Variants in CMSS1 observed in about 807,000 individuals in gnomAD.
CMSS1 encodes protein CMSS1.
A neutral mutation model predicts 43.5 loss-of-function variants in CMSS1; 33 were observed. The ratio of observed to expected loss-of-function variants is 0.76; its 90% CI spans 0.57 to 1.01. The LOEUF (loss-of-function observed/expected upper bound fraction) is 1.01, where lower values mean the gene tolerates loss of function less well. CMSS1 is among the 50% of genes least tolerant of loss of function. The pLI is 0.00. For synonymous variants in CMSS1, 115 were observed against 117.2 expected, an observed-to-expected ratio of 0.98 and a Z score of 0.12; for missense variants, 313 against 326.4, an observed-to-expected ratio of 0.96 and a Z score of 0.32.
chr3:99,973,288 A>T (rs2107720897), intron 1 of CMSS1, among the ~76,000 whole-genome samples: 1 of 152,322 alleles, frequency 6.6e-6, no homozygotes, highest in African/African-American at 2.4e-5. Flanking sequence ...TTAAATATTC[A>T]TTTGAGAATA....
chr3:100,042,383 A>G (rs146195249), intron 1 of CMSS1, among the ~76,000 whole-genome samples: 5 of 152,316 alleles, frequency 3.3e-5, no homozygotes, highest in African/African-American at 1.2e-4. Context: ...GATACAGTGA[A>G]ATCTGTTATC....
In CMSS1 at chr3:100,172,423, A is replaced by G; in HGVS notation, c.667+20A>G. 1 of 1,575,680 alleles carries G rather than the reference A, an allele frequency of 6.3e-7. No homozygotes were observed. The highest frequency in any genetic ancestry group is 8.7e-7 in the Non-Finnish European group (1 of 1,145,368). On this transcript the variant is annotated intron_variant, in intron 8 of 9. Transcript: ENST00000421999. Reference sequence around the variant, plus strand: ...AACAAGGTATGACAAGAGGGCAGTGATACTCTTGCCCAGGGCTGGGAGTTT... The same window carrying G: ...AACAAGGTATGACAAGAGGGCAGTGGTACTCTTGCCCAGGGCTGGGAGTTT...
At chr3:99,859,827 A>G (rs1438860850) in intron 1 of CMSS1, among the ~76,000 whole-genome samples, 1 of 152,090 alleles carries the variant, frequency 6.6e-6, no homozygotes, top group Non-Finnish European at 1.5e-5. Flanking sequence ...TGCTTTTTCT[A>G]TGGGACTTTT....
intron 1 of CMSS1, among the ~76,000 whole-genome samples, chr3:100,125,699 C>T (rs2066657104): frequency 6.6e-6 from 1 of 152,114 alleles, no homozygotes; most frequent in Non-Finnish European, 1.5e-5. Context: ...AGTCAGGTGG[C>T]CCCAGACTCT....
intron 1 of CMSS1, among the ~76,000 whole-genome samples, chr3:100,028,918 TATAAAC>T (rs2064975465): frequency 6.6e-6 from 1 of 152,134 alleles, no homozygotes; most frequent in Non-Finnish European, 1.5e-5. Flanking sequence ...CACACACACA[TATAAAC>T]ATAAACATAT....
At chr3:99,983,872 C>A (rs192437199) in intron 1 of CMSS1, among the ~76,000 whole-genome samples, 24 of 151,956 alleles carry the variant, frequency 1.6e-4, no homozygotes, top group Admixed American at 1.5e-3. Flanking sequence ...GAATAACTTG[C>A]CAGAAGAAGT....
chr3:99,988,511 CAAA>C (rs757175318), intron 1 of CMSS1, among the ~76,000 whole-genome samples: 19 of 47,848 alleles, frequency 4.0e-4, no homozygotes, highest in Admixed American at 8.8e-4. Flanking sequence ...GACTCCATCT[CAAA>C]AAAAAAAAAA....
chr3:99,862,191 A>G (rs1017173184), intron 1 of CMSS1, among the ~76,000 whole-genome samples: 2 of 152,188 alleles, frequency 1.3e-5, no homozygotes, highest in African/African-American at 4.8e-5. Context: ...TATAGGCCCT[A>G]AATATAGTTT....
chr3:99,908,303 T>C (rs1435314339), intron 1 of CMSS1, among the ~76,000 whole-genome samples: 3 of 152,248 alleles, frequency 2.0e-5, no homozygotes, highest in Admixed American at 6.5e-5. Context: ...CTATTTTCTA[T>C]TGAAGGCAGA....
intron 1 of CMSS1, among the ~76,000 whole-genome samples, chr3:99,883,571 A>G (rs1705798939): frequency 6.6e-6 from 1 of 152,174 alleles, no homozygotes; most frequent in Non-Finnish European, 1.5e-5. Flanking sequence ...TTAGACAACC[A>G]TATCACACTG....
intron 1 of CMSS1, among the ~76,000 whole-genome samples, chr3:99,839,226 T>A (rs556846740): frequency 9.8e-5 from 15 of 152,344 alleles, no homozygotes; most frequent in African/African-American, 3.4e-4. Context: ...TCTATATAGT[T>A]CCTTCTCTGT....
intron 1 of CMSS1, among the ~76,000 whole-genome samples, chr3:100,030,017 C>T (rs2064996852): frequency 1.3e-5 from 2 of 152,108 alleles, no homozygotes; most frequent in African/African-American, 4.8e-5. Flanking sequence ...CTTCACATTT[C>T]TCTAGCATGG....
rs374700618 is a variant in CMSS1 at position 100,114,494 on chromosome 3, C to CTG, written c.65-32461_65-32460dup. Reference sequence around the variant, plus strand: ...GCAGGCACAGGCTCCGTGAGCACGTCTGTGTGTGTGTGTGTGTGTCTGTGT... The same window carrying CTG: ...GCAGGCACAGGCTCCGTGAGCACGTCTGTGTGTGTGTGTGTGTGTGTCTGTGT... On this transcript the variant is annotated intron_variant, in intron 1 of 9. Transcript: ENST00000421999. 1,390 of 153,828 alleles carry CTG rather than the reference C, an allele frequency of 9.0e-3. 14 individuals carry two copies. Among genetic ancestry groups the CTG allele is most frequent in the Middle Eastern group, 0.03 (9 of 304 alleles). The allele number at this position is 153,828 out of a possible 1,614,324, so 9.5% of individuals were successfully genotyped here.
intron 1 of CMSS1, among the ~76,000 whole-genome samples, chr3:100,006,253 C>T (rs1200985465): frequency 1.3e-5 from 2 of 152,102 alleles, no homozygotes; most frequent in East Asian, 3.8e-4. Flanking sequence ...CTCAACTGAT[C>T]TTTGGCTCTT....
chr3:100,037,718 A>T (rs1462170463), intron 1 of CMSS1, among the ~76,000 whole-genome samples: 1 of 152,194 alleles, frequency 6.6e-6, no homozygotes, highest in Non-Finnish European at 1.5e-5. Context: ...TTCTCTATGC[A>T]TCTTGCTTGC....
At chr3:100,121,939 C>T (rs1406433321) in intron 1 of CMSS1, among the ~76,000 whole-genome samples, 2 of 152,216 alleles carry the variant, frequency 1.3e-5, no homozygotes, top group Non-Finnish European at 2.9e-5. Context: ...AGGAGAATCT[C>T]GGCAGAAGGC....
At chr3:100,167,679 T>C in intron 5 of CMSS1, 59 bp from the exon 6 acceptor site, 2 of 1,018,358 alleles carry the variant, frequency 2.0e-6, no homozygotes, top group Non-Finnish European at 3.0e-6. Flanking sequence ...ATGCTCAACT[T>C]GGGAGGTGTG....
At chr3:99,998,431 A>G (rs1576630456) in intron 1 of CMSS1, among the ~76,000 whole-genome samples, 1 of 152,336 alleles carries the variant, frequency 6.6e-6, no homozygotes, top group South Asian at 2.1e-4. Flanking sequence ...TAAACTATAT[A>G]TACGTACTCA....
intron 1 of CMSS1, among the ~76,000 whole-genome samples, chr3:99,966,603 C>T (rs1035397987): frequency 2.0e-5 from 3 of 152,136 alleles, no homozygotes; most frequent in African/African-American, 7.2e-5. Context: ...TTACTCAGAA[C>T]CCTTCGCTCT....
Sources: gnomAD v4.1 joint callset for allele counts (sites outside exome capture counted in the v4.1 genomes callset) on GRCh38, gnomAD v4.1.1 for gene constraint, MANE v1.5 for transcripts, NCBI Gene and HGNC (gene_info 2026-07-23, HGNC 2026-07-21) for gene names.